Variants in CBL observed in about 807,000 individuals in gnomAD.
CBL encodes Cbl proto-oncogene.
A neutral mutation model predicts 96.9 loss-of-function variants in CBL; 45 were observed. That is an observed-to-expected ratio of 0.46 (90% CI 0.37 to 0.60). The LOEUF is 0.60. CBL is among the 20% of genes least tolerant of loss of function. CBL has a pLI of 0.00. For synonymous variants in CBL, 420 were observed against 426.8 expected (o/e 0.98, Z 0.20); for missense variants, 1,024 against 1,143.5 (o/e 0.90, Z 1.51).
chr11:119,268,920 T>C (rs1949822822), intron 2 of CBL, among the ~76,000 whole-genome samples: 3 of 152,218 alleles, frequency 2.0e-5, no homozygotes, highest in Admixed American at 2.0e-4. Context: ...TTCAGCGTAG[T>C]TCTTCACACA....
At chr11:119,295,433 A>G (rs2509397) in intron 12 of CBL, among the ~76,000 whole-genome samples, 1 of 152,154 alleles carries the variant, frequency 6.6e-6, no homozygotes, top group African/African-American at 2.4e-5. Context: ...CATTAAGAAC[A>G]AACTAGGGAT....
chr11:119,278,482 C>G (rs2135304315), intron 8 of CBL, 28 bp from the exon 9 acceptor site: 1 of 1,590,128 alleles, frequency 6.3e-7, no homozygotes, highest in Non-Finnish European at 8.6e-7. Flanking sequence ...TCAGATGCAT[C>G]TGTTACTATC....
In CBL at chr11:119,285,113, C is replaced by T. The variant is rs199795242; in HGVS notation, c.1563+13C>T. On this transcript the variant is annotated intron_variant, in intron 10 of 15. Coordinates refer to ENST00000264033, the MANE Select transcript of CBL (RefSeq NM_005188.4). ...AACTGCTTCTAAGGTAAAGCATTTT[C>T]CATTACTGCAGTTTTTGGATTCTTT... 1.9e-5 allele frequency: 30 copies of T among 1,614,146 alleles called. No individual in the cohort carries two copies. Among genetic ancestry groups the T allele is most frequent in the African/African-American group, 2.7e-5 (2 of 75,024 alleles).
intron 9 of CBL, among the ~76,000 whole-genome samples, chr11:119,280,576 T>C (rs1261196009): frequency 1.3e-5 from 2 of 152,296 alleles, no homozygotes; most frequent in East Asian, 1.9e-4. Context: ...AATCTACTTA[T>C]AGTTGGTGAA....
At chr11:119,266,877 G>C (rs1409859120) in intron 2 of CBL, among the ~76,000 whole-genome samples, 1 of 152,190 alleles carries the variant, frequency 6.6e-6, no homozygotes, top group Non-Finnish European at 1.5e-5. Context: ...TCTGTCTTCA[G>C]GGTATTTACA....
chr11:119,258,193 ACT>A (rs1170871634), intron 2 of CBL, among the ~76,000 whole-genome samples: 22 of 152,326 alleles, frequency 1.4e-4, no homozygotes, highest in African/African-American at 5.1e-4. Flanking sequence ...GCACCATTGC[ACT>A]CCAGCCTGGG....
In CBL at chr11:119,300,742, T is replaced by A; in HGVS notation, c.*961T>A. ...AATAGTCTGTGGGAGTCAGTTGCCTTGGTGCCAGGTATGTGTTCTGATGTA... is the reference window on the plus strand; with the variant it reads ...AATAGTCTGTGGGAGTCAGTTGCCTAGGTGCCAGGTATGTGTTCTGATGTA... On this transcript the variant is annotated 3_prime_UTR_variant, in exon 16 of 16. Transcript: ENST00000264033. 1 of 395,636 alleles carries A rather than the reference T, an allele frequency of 2.5e-6. No individual in the cohort carries two copies. The highest frequency in any genetic ancestry group is 4.5e-6 in the Non-Finnish European group (1 of 224,376). 24.5% of individuals were successfully genotyped at this position (395,636 alleles called of 1,614,324 possible).
At chr11:119,216,217 T>A (rs1411806763) in intron 1 of CBL, among the ~76,000 whole-genome samples, 3 of 152,214 alleles carry the variant, frequency 2.0e-5, no homozygotes, top group African/African-American at 4.8e-5. Flanking sequence ...CACTGTTTGC[T>A]GCCTTCCCTG....
Position 119,300,013 on chromosome 11 carries a change from C to T in CBL, c.*232C>T, listed in dbSNP as rs560668404. The T allele has an allele frequency of 3.3e-6, 2 of 605,616 alleles. No individual in the cohort carries two copies. Among genetic ancestry groups the T allele is most frequent in the South Asian group, 3.9e-5 (2 of 51,790 alleles). 37.5% of individuals were successfully genotyped at this position (605,616 alleles called of 1,614,324 possible). On this transcript the variant is annotated 3_prime_UTR_variant, in exon 16 of 16. Transcript: ENST00000264033. ...GTGCATTTGAAGGTGTCCTTCAGTT[C>T]CCACGTAGAGAGAGTGTGGATTATA...
chr11:119,233,472 G>C (rs1183594042), intron 2 of CBL, among the ~76,000 whole-genome samples: 3 of 152,158 alleles, frequency 2.0e-5, no homozygotes, highest in Non-Finnish European at 4.4e-5. Flanking sequence ...GACTTCAGGT[G>C]ATCTGCCCGC....
chr11:119,254,683 C>T (rs1434065469), intron 2 of CBL, among the ~76,000 whole-genome samples: 1 of 151,970 alleles, frequency 6.6e-6, no homozygotes, highest in African/African-American at 2.4e-5. Flanking sequence ...CTCACGGCAG[C>T]CTCCGCCTCC....
At chr11:119,228,194 C>T (rs1304698413) in intron 1 of CBL, among the ~76,000 whole-genome samples, 1 of 152,100 alleles carries the variant, frequency 6.6e-6, no homozygotes, top group Non-Finnish European at 1.5e-5. Flanking sequence ...TGGCTGACTG[C>T]AACCTCCGCC....
In CBL at chr11:119,300,363, T is replaced by G. The variant is rs2135322860; in HGVS notation, c.*582T>G. The G allele has an allele frequency of 2.5e-6, 1 of 407,700 alleles. No individual in the cohort carries two copies. The highest frequency in any genetic ancestry group is 3.5e-5 in the East Asian group (1 of 28,418). 25.3% of individuals were successfully genotyped at this position (407,700 alleles called of 1,614,324 possible). A position where few individuals can be genotyped will look rare whatever the true frequency, so the allele number is the denominator to read the frequency against. ...ATTACCATGTGCATAGCTAAAGTCT[T>G]CTATTTTTAGAACACCTTCTGTCTG... On this transcript the variant is annotated 3_prime_UTR_variant, in exon 16 of 16. Coordinates refer to ENST00000264033, the MANE Select transcript of CBL (RefSeq NM_005188.4).
chr11:119,233,825 A>G (rs1346694197), intron 2 of CBL, among the ~76,000 whole-genome samples: 1 of 152,144 alleles, frequency 6.6e-6, no homozygotes, highest in Non-Finnish European at 1.5e-5. Flanking sequence ...TAACATACTA[A>G]ATGGTGTCCT....
chr11:119,290,850 TA>T (rs1399560709), intron 12 of CBL, among the ~76,000 whole-genome samples: 3 of 151,390 alleles, frequency 2.0e-5, no homozygotes, highest in African/African-American at 7.3e-5. Context: ...TTTATTTTTT[TA>T]TTTTTTAGTA....
At chr11:119,274,532 C>T (rs1949873738) in intron 4 of CBL, among the ~76,000 whole-genome samples, 2 of 152,190 alleles carry the variant, frequency 1.3e-5, no homozygotes, top group African/African-American at 4.8e-5. Flanking sequence ...CACCTATAGG[C>T]CCTATCCTGG....
intron 2 of CBL, among the ~76,000 whole-genome samples, chr11:119,240,157 T>C (rs1036081837): frequency 6.6e-6 from 1 of 152,010 alleles, no homozygotes; most frequent in Admixed American, 6.6e-5. Context: ...TAGCTGGACA[T>C]GGTGGCATAT....
At chr11:119,248,862 AT>A (rs1331966663) in intron 2 of CBL, among the ~76,000 whole-genome samples, 2 of 152,242 alleles carry the variant, frequency 1.3e-5, no homozygotes, top group African/African-American at 4.8e-5. Context: ...CAGCTGTCCA[AT>A]AAGCTCATGA....
intron 2 of CBL, among the ~76,000 whole-genome samples, chr11:119,240,027 C>T (rs1949572780): frequency 6.6e-6 from 1 of 152,114 alleles, no homozygotes; most frequent in African/African-American, 2.4e-5. Context: ...CATGGTGGCT[C>T]ACGCCTGTAA....
Sources: allele counts gnomAD v4.1 joint callset (sites outside exome capture counted in the v4.1 genomes callset), GRCh38; gene constraint gnomAD v4.1.1; transcripts MANE v1.5; gene names NCBI Gene and HGNC (gene_info 2026-07-23, HGNC 2026-07-21).